Variants in PKHD1 observed in about 807,000 individuals in gnomAD.
PKHD1 encodes PKHD1 ciliary IPT domain containing fibrocystin/polyductin, also known as fibrocystin.
PKHD1 carries 291 observed loss-of-function variants against 412.0 expected under a neutral mutation model. The ratio of observed to expected loss-of-function variants is 0.71; its 90% CI spans 0.64 to 0.78. The LOEUF (loss-of-function observed/expected upper bound fraction) is 0.78, where lower values mean the gene tolerates loss of function less well. PKHD1 is among the 30% of genes least tolerant of loss of function. The probability of loss-of-function intolerance (pLI) is 0.00; values close to 1 mark genes in which losing one functional copy is unlikely to be tolerated. For missense variants in PKHD1, 4,825 were observed against 4,950.7 expected, an observed-to-expected ratio of 0.97 and a Z score of 0.76; for synonymous variants, 1,777 against 1,821.5, an observed-to-expected ratio of 0.98 and a Z score of 0.62.
chr6:51,951,127 T>C (rs1440631169), intron 36 of PKHD1, among the ~76,000 whole-genome samples: 1 of 152,188 alleles, frequency 6.6e-6, no homozygotes, highest in Non-Finnish European at 1.5e-5. Context: ...AAGATATAAG[T>C]AAATGCCTTT....
At chr6:51,937,520 T>C (rs541982904) in intron 36 of PKHD1, among the ~76,000 whole-genome samples, 1 of 152,348 alleles carries the variant, frequency 6.6e-6, no homozygotes, top group East Asian at 1.9e-4. Flanking sequence ...TAGTCAAATA[T>C]GGAGGCCACT....
At chr6:51,794,930 G>C (rs1407425569) in intron 52 of PKHD1, among the ~76,000 whole-genome samples, 3 of 152,076 alleles carry the variant, frequency 2.0e-5, no homozygotes, top group African/African-American at 7.2e-5. Context: ...TTTGGTTACT[G>C]TAGCCCTGCG....
At chr6:51,794,287 G>A (rs936640503) in intron 52 of PKHD1, among the ~76,000 whole-genome samples, 13 of 152,076 alleles carry the variant, frequency 8.5e-5, no homozygotes, top group Admixed American at 1.3e-4. Flanking sequence ...GATCAGTGAT[G>A]TTAAGCTTTT....
intron 60 of PKHD1, among the ~76,000 whole-genome samples, chr6:51,688,188 C>T (rs1435903804): frequency 2.0e-5 from 3 of 152,182 alleles, no homozygotes; most frequent in Non-Finnish European, 4.4e-5. Flanking sequence ...TTTTATAATA[C>T]AGTATTTCCC....
intron 20 of PKHD1, 138 bp from the exon 21 acceptor site, chr6:52,053,389 C>G: frequency 1.2e-6 from 1 of 831,440 alleles, no homozygotes; most frequent in Non-Finnish European, 2.0e-6. Context: ...TGCACCCAAG[C>G]AGTCCTGGGT....
At chr6:51,638,683 T>G (rs974252142) in intron 64 of PKHD1, among the ~76,000 whole-genome samples, 166 bp downstream of exon 64, 1 of 151,998 alleles carries the variant, frequency 6.6e-6, no homozygotes, top group Non-Finnish European at 1.5e-5. Context: ...TTTCTACATG[T>G]GCTCTTTCTT....
At chr6:51,832,182 G>A (rs535142959) in intron 51 of PKHD1, among the ~76,000 whole-genome samples, 1 of 152,108 alleles carries the variant, frequency 6.6e-6, no homozygotes. Flanking sequence ...CTCTACACAG[G>A]CACTGAGGGG....
intron 66 of PKHD1, chr6:51,622,998 C>A (rs1035251013): frequency 6.6e-6 from 1 of 151,924 alleles, no homozygotes; most frequent in African/African-American, 2.4e-5. Flanking sequence ...CCCATATATT[C>A]TTGTAACAGA....
At chr6:51,620,686 T>C (rs957354992) in intron 66 of PKHD1, among the ~76,000 whole-genome samples, 9 of 151,510 alleles carry the variant, frequency 5.9e-5, no homozygotes, top group Non-Finnish European at 1.0e-4. Context: ...GTCTGATTCA[T>C]ACTATAAGAG....
intron 55 of PKHD1, among the ~76,000 whole-genome samples, chr6:51,758,809 A>T (rs1787498612): frequency 6.6e-6 from 1 of 152,186 alleles, no homozygotes; most frequent in African/African-American, 2.4e-5. Flanking sequence ...TTTACTAGAC[A>T]AAAATATAAT....
In PKHD1 at chr6:52,071,266, T is replaced by C. The variant is rs187222625; in HGVS notation, c.603-196A>G. ...TAGTATTACCCTTTATATATACTAG[T>C]TAGTAATACCCTAAGCATTTGCCCT... On this transcript the variant is annotated intron_variant, in intron 8 of 66. Transcript: ENST00000371117. Among the ~76,000 whole-genome samples the C allele has an allele frequency of 4.6e-3, 702 of 151,552 alleles. 4 individuals carry two copies. The highest frequency in any genetic ancestry group is 0.016 in the African/African-American group (654 of 41,394).
chr6:51,685,725 A>G (rs1777337347), intron 60 of PKHD1, among the ~76,000 whole-genome samples: 1 of 152,084 alleles, frequency 6.6e-6, no homozygotes, highest in Non-Finnish European at 1.5e-5. Flanking sequence ...TCTTTGTTTT[A>G]GTTGAGGAGG....
At position 51,744,522 on chromosome 6, in the gene PKHD1, A is replaced by G. The variant is rs1286765863; in HGVS notation, c.10019T>C (p.Val3340Ala). The G allele has an allele frequency of 1.9e-6, 3 of 1,613,112 alleles. No individual in the cohort carries two copies. Among genetic ancestry groups the G allele is most frequent in the Non-Finnish European group, 8.5e-7 (1 of 1,179,236 alleles). Reference sequence around the variant, plus strand: ...ACTTGCACAGTCTAATTCAGGACAGACTACTTTTCCTAAATCTTTCCTGTG... The same window carrying G: ...ACTTGCACAGTCTAATTCAGGACAGGCTACTTTTCCTAAATCTTTCCTGTG... Reference protein sequence around the residue: ...LQPRKDLGKVVCPELDCASPR... With the variant: ...LQPRKDLGKVACPELDCASPR... The change falls in exon 60 of 67, where the codon GTC (valine) becomes GCC (alanine). Residue 3340 changes from valine (V) to alanine (A), a missense_variant. By Grantham distance (64) the Val-to-Ala change is moderately conservative (BLOSUM62 0). Coordinates refer to ENST00000371117, the MANE Select transcript of PKHD1 (RefSeq NM_138694.4).
chr6:51,787,908 A>T (rs1793139897), intron 53 of PKHD1, among the ~76,000 whole-genome samples: 1 of 152,220 alleles, frequency 6.6e-6, no homozygotes, highest in Admixed American at 6.5e-5. Flanking sequence ...TAAGTTTTGT[A>T]GTAACAAGAA....
intron 2 of PKHD1, among the ~76,000 whole-genome samples, chr6:52,083,741 G>A (rs1812367820): frequency 6.6e-6 from 1 of 151,958 alleles, no homozygotes; most frequent in Non-Finnish European, 1.5e-5. Flanking sequence ...TGGTGCAAAA[G>A]CAATTGCTGT....
At position 52,033,045 on chromosome 6, in the gene PKHD1, T is replaced by G; in HGVS notation, c.3349A>C (p.Ile1117Leu). The change falls in exon 29 of 67, where the codon ATA becomes CTA. Residue 1117 changes from isoleucine to leucine, a missense_variant. By Grantham distance (5) the Ile-to-Leu change is conservative. Transcript: ENST00000371117. ...CATATTTTACCTGCTATATTGCTTATGTTTCTGCTCAGAGTCACAATAACT... is the reference window on the plus strand; with the variant it reads ...CATATTTTACCTGCTATATTGCTTAGGTTTCTGCTCAGAGTCACAATAACT... ...NPVIVTLSRN[I>L]SNIAGGETLV... 1 of 1,612,826 alleles carries G rather than the reference T, an allele frequency of 6.2e-7. No individual in the cohort carries two copies. The highest frequency in any genetic ancestry group is 8.5e-7 in the Non-Finnish European group (1 of 1,178,898).
intron 52 of PKHD1, among the ~76,000 whole-genome samples, chr6:51,803,061 TCTA>T (rs1763188096): frequency 6.6e-6 from 1 of 151,408 alleles, no homozygotes; most frequent in Non-Finnish European, 1.5e-5. Context: ...GTAAATAATC[TCTA>T]CTTTCTATTT....
At chr6:51,716,499 T>C (rs1004375420) in intron 60 of PKHD1, among the ~76,000 whole-genome samples, 2 of 152,138 alleles carry the variant, frequency 1.3e-5, no homozygotes, top group East Asian at 3.9e-4. Flanking sequence ...AAAGGCTTCA[T>C]AGAGTCCCTC....
At chr6:51,919,241 C>A (rs1439392156) in intron 37 of PKHD1, among the ~76,000 whole-genome samples, 2 of 151,998 alleles carry the variant, frequency 1.3e-5, no homozygotes, top group South Asian at 2.1e-4. Context: ...AGGTTTTTTT[C>A]TAGGGTTTTT....
Sources: allele counts gnomAD v4.1 joint callset (sites outside exome capture counted in the v4.1 genomes callset), GRCh38; gene constraint gnomAD v4.1.1; transcripts MANE v1.5; gene names NCBI Gene and HGNC (gene_info 2026-07-23, HGNC 2026-07-21).